The following GPR89A variants were observed in gnomAD, a reference collection of about 807,000 sequenced individuals.
GPR89A encodes the protein golgi pH regulator A.
A neutral mutation model predicts 52.0 loss-of-function variants in GPR89A; 16 were observed. That is an observed-to-expected ratio of 0.31 (90% CI 0.21 to 0.47). The LOEUF (loss-of-function observed/expected upper bound fraction) is 0.47, where lower values mean the gene tolerates loss of function less well. GPR89A is among the 20% of genes least tolerant of loss of function. The pLI is 1.00. For synonymous variants in GPR89A, 55 were observed against 150.9 expected (o/e 0.36, Z 4.66); for missense variants, 135 against 449.4 (o/e 0.30, Z 6.33).
intron 1 of GPR89A, among the ~76,000 whole-genome samples, chr1:145,610,820 T>C (rs1444712713): frequency 6.6e-6 from 1 of 152,178 alleles, no homozygotes; most frequent in East Asian, 1.9e-4. Flanking sequence ...TAGTTAATTC[T>C]TTAATAACTG....
At chr1:145,615,432 T>C (rs587672889) in intron 1 of GPR89A, among the ~76,000 whole-genome samples, 2 of 151,726 alleles carry the variant, frequency 1.3e-5, no homozygotes, top group African/African-American at 4.8e-5. Context: ...CAGCCTCAAC[T>C]TCCTAGGCTC....
intron 1 of GPR89A, among the ~76,000 whole-genome samples, chr1:145,611,289 C>G (rs1438007573): frequency 6.6e-6 from 1 of 151,596 alleles, no homozygotes; most frequent in Non-Finnish European, 1.5e-5. Context: ...TCCGGTCACC[C>G]AGGTACTGAG....
At chr1:145,664,838 T>C (rs1171366666) in intron 11 of GPR89A, among the ~76,000 whole-genome samples, 1 of 151,344 alleles carries the variant, frequency 6.6e-6, no homozygotes, top group East Asian at 1.9e-4. Context: ...AACAAATCGT[T>C]TAGATGTTAG....
intron 1 of GPR89A, chr1:145,611,360 T>G (rs1269061070): frequency 6.6e-5 from 10 of 150,946 alleles, no homozygotes; most frequent in Non-Finnish European, 1.5e-4. Flanking sequence ...TGCCCCCAAG[T>G]AGTCTCCAGT....
intron 7 of GPR89A, among the ~76,000 whole-genome samples, chr1:145,642,828 A>G (rs1553691930): frequency 6.6e-6 from 1 of 151,152 alleles, no homozygotes; most frequent in Non-Finnish European, 1.5e-5. Context: ...TTATGTACAA[A>G]TGATATTTTA....
rs782429732 is a variant in GPR89A, at chr1:145,618,344, ATCT to A, written c.131_133del (p.Phe44del). 5.2e-6 allele frequency: 8 copies of A among 1,535,728 alleles called. No individual in the cohort carries two copies. The highest frequency in any genetic ancestry group is 1.8e-6 in the Non-Finnish European group (2 of 1,131,848). On this transcript the variant is annotated inframe_deletion, in exon 3 of 14. Transcript: ENST00000313835. ...GATACGTCAGTATGTTGTACAGGTG[ATCT>A]TCTCCGTGACGTTTGCATTTTCTTG... is the stretch of plus-strand genomic sequence containing the variant.
intron 3 of GPR89A, among the ~76,000 whole-genome samples, chr1:145,621,889 C>A: frequency 8.8e-6 from 1 of 113,350 alleles, no homozygotes. Context: ...CACTTCACAC[C>A]AACTAAAATG....
chr1:145,667,231 A>C (rs587645000), intron 12 of GPR89A, among the ~76,000 whole-genome samples: 3,027 of 152,210 alleles, frequency 0.02, 101 homozygotes, highest in African/African-American at 0.069. Flanking sequence ...GTTTCTCCAC[A>C]TCCTCTCCAG....
intron 7 of GPR89A, among the ~76,000 whole-genome samples, chr1:145,632,233 TA>T (rs1351801282): frequency 1.3e-5 from 2 of 152,218 alleles, no homozygotes; most frequent in African/African-American, 2.4e-5. Flanking sequence ...CTCACATGTT[TA>T]TTTTTTTGTG....
At chr1:145,636,341 T>TC (rs1650238733) in intron 7 of GPR89A, among the ~76,000 whole-genome samples, 1 of 125,772 alleles carries the variant, frequency 8.0e-6, no homozygotes, top group Non-Finnish European at 1.7e-5. Context: ...AAAATTTTTT[T>TC]AATAAAAAAG....
chr1:145,657,185 G>A (rs1651863711), intron 10 of GPR89A, among the ~76,000 whole-genome samples: 1 of 149,058 alleles, frequency 6.7e-6, no homozygotes, highest in Non-Finnish European at 1.5e-5. Flanking sequence ...CTTGAGGCCA[G>A]GAATTTGAGA....
At chr1:145,646,552 C>T in intron 9 of GPR89A, 1 of 439,816 alleles carries the variant, frequency 2.3e-6, no homozygotes, top group Non-Finnish European at 4.1e-6. Flanking sequence ...CTCCTACTAA[C>T]CTGGGATAAA....
intron 7 of GPR89A, among the ~76,000 whole-genome samples, chr1:145,635,130 G>A (rs186664512): frequency 6.6e-6 from 1 of 152,334 alleles, no homozygotes; most frequent in Admixed American, 6.5e-5. Context: ...ATAAAGGCCA[G>A]GAGCAGTGGC....
chr1:145,635,940 A>G (rs1363685822), intron 7 of GPR89A, among the ~76,000 whole-genome samples: 1 of 152,192 alleles, frequency 6.6e-6, no homozygotes, highest in African/African-American at 2.4e-5. Context: ...GCCTGGGGGC[A>G]GAACGAGACT....
In GPR89A at chr1:145,616,267, A is replaced by G; in HGVS notation, c.76A>G (p.Met26Val). ...TTTTGGATTTGGGTGGCTTTTCTTC[A>G]TGCGCCAATTGTTTAAAGACTATGA... is the stretch of plus-strand genomic sequence containing the variant. ...LFFGFGWLFF[M>V]RQLFKDYEIR... Residue 26 changes from methionine to valine, a missense_variant, in exon 2 of 14, where the codon ATG becomes GTG. Met to Val is a conservative substitution (Grantham distance 21). Transcript: ENST00000313835. 6 of 1,611,018 alleles carry G rather than the reference A, an allele frequency of 3.7e-6. No individual in the cohort carries two copies. The highest frequency in any genetic ancestry group is 1.1e-5 in the South Asian group (1 of 90,936).
Position 145,647,013 on chromosome 1 carries a change from T to G in GPR89A, c.817-162T>G, listed in dbSNP as rs1211257252. Reference sequence around the variant, plus strand: ...CCCAGTCTCTAGCTAAAAGCAAGCATTCAGTAAATGCTGGCCACAACTACT... The same window carrying G: ...CCCAGTCTCTAGCTAAAAGCAAGCAGTCAGTAAATGCTGGCCACAACTACT... On this transcript the variant is annotated intron_variant, in intron 9 of 13. Coordinates refer to ENST00000313835, the MANE Select transcript of GPR89A (RefSeq NM_001097612.2). The G allele has an allele frequency of 1.5e-5, 15 of 993,216 alleles. No homozygotes were observed. In the East Asian group the frequency reaches 4.0e-4, roughly 26 times the overall value. The allele number at this position is 993,216 out of a possible 1,614,324, so 61.5% of individuals were successfully genotyped here. A position where few individuals can be genotyped will look rare whatever the true frequency, so the allele number is the denominator to read the frequency against.
At chr1:145,627,470 G>A (rs1297974719) in intron 5 of GPR89A, among the ~76,000 whole-genome samples, 1 of 151,676 alleles carries the variant, frequency 6.6e-6, no homozygotes, top group Non-Finnish European at 1.5e-5. Flanking sequence ...ATGTCTTCTT[G>A]TAAAGGGGTT....
intron 7 of GPR89A, among the ~76,000 whole-genome samples, chr1:145,637,516 T>A (rs1292313368): frequency 3.3e-5 from 5 of 152,072 alleles, no homozygotes; most frequent in African/African-American, 1.2e-4. Flanking sequence ...TTAACAATTC[T>A]CAGAAAAACA....
At chr1:145,634,210 T>G (rs1650065834) in intron 7 of GPR89A, among the ~76,000 whole-genome samples, 1 of 151,698 alleles carries the variant, frequency 6.6e-6, no homozygotes, top group South Asian at 2.1e-4. Flanking sequence ...CTCCCGAGTA[T>G]CTGGGATTAT....
Sources: gnomAD v4.1 joint callset for allele counts (sites outside exome capture counted in the v4.1 genomes callset) on GRCh38, gnomAD v4.1.1 for gene constraint, MANE v1.5 for transcripts, NCBI Gene and HGNC (gene_info 2026-07-23, HGNC 2026-07-21) for gene names.